FAAP100: variants seen among roughly 807,000 people sequenced by gnomAD.
The protein encoded by FAAP100 is Fanconi anemia core complex-associated protein 100.
In FAAP100, 46 loss-of-function variants were observed where a neutral mutation model predicts 65.8. That is an observed-to-expected ratio of 0.70 (90% confidence interval 0.55 to 0.89). The LOEUF is 0.89. Among genes scored for constraint, FAAP100 ranks in the 40% least tolerant of loss-of-function variants. The pLI, the probability that FAAP100 is intolerant of heterozygous loss-of-function variation, is 0.00. For missense variants in FAAP100, 1,165 were observed against 1,196.7 expected, an observed-to-expected ratio of 0.97 and a Z score of 0.39; for synonymous variants, 663 against 555.1, an observed-to-expected ratio of 1.19 and a Z score of -2.73.
At chr17:81,552,814 TGTC>T (rs1371293624), upstream of FAAP100, among the ~76,000 whole-genome samples, 2 of 152,012 alleles carry the variant, frequency 1.3e-5, no homozygotes, top group Admixed American at 6.5e-5. Flanking sequence ...CGCCGGCTCT[TGTC>T]GTCCTAGGGA....
chr17:81,547,915 A>G (rs765002532), intron 4 of FAAP100: 1 of 707,552 alleles, frequency 1.4e-6, no homozygotes, highest in South Asian at 1.5e-5. Flanking sequence ...CTCTTGGGCC[A>G]CAGGAGGAAA....
chr17:81,552,430 C>G (rs1303783304), upstream of FAAP100: 2 of 1,138,648 alleles, frequency 1.8e-6, no homozygotes, highest in Admixed American at 4.3e-5. Flanking sequence ...CGACCTCCGC[C>G]GTAAAGCGGT....
At position 81,540,591 on chromosome 17, in the gene FAAP100, C is replaced by T; in HGVS notation, c.*228G>A. 2 of 528,806 alleles carry T rather than the reference C, an allele frequency of 3.8e-6. No individual in the cohort carries two copies. The highest frequency in any genetic ancestry group is 3.7e-5 in the Admixed American group (1 of 26,832). The allele number at this position is 528,806 out of a possible 1,614,324, so 32.8% of individuals were successfully genotyped here. On this transcript the variant is annotated 3_prime_UTR_variant, in exon 9 of 9. Transcript: ENST00000327787. The stretch of plus-strand genomic sequence containing the variant: ...AGAGACACCAGCAGAGGACGCGAAG[C>T]TGGACCGGCCAGGTTCAGAGCCCGC...
At chr17:81,542,349 A>G (rs969076129) in intron 7 of FAAP100, among the ~76,000 whole-genome samples, 21 of 151,764 alleles carry the variant, frequency 1.4e-4, no homozygotes, top group Non-Finnish European at 1.3e-4. Context: ...TCACCGCTGG[A>G]CTGCAGCCTG....
chr17:81,546,065 C>CACT (rs1390746428), intron 5 of FAAP100, among the ~76,000 whole-genome samples, 183 bp from the exon 6 acceptor site: 9 of 152,248 alleles, frequency 5.9e-5, no homozygotes, highest in Non-Finnish European at 1.2e-4. Flanking sequence ...GGAAGGAGGC[C>CACT]ACTGCTCAAC....
chr17:81,550,518 C>G lies in FAAP100; in HGVS notation c.976G>C (p.Ala326Pro). The G allele has an allele frequency of 4.3e-6, 7 of 1,612,864 alleles. No homozygotes were observed. Among genetic ancestry groups the G allele is most frequent in the Non-Finnish European group, 5.9e-6 (7 of 1,180,006 alleles). ...AGCTTCCCGGACTCATCCCAGCTGGCCTTGATGGCCAGCATCCGGCCGTGG... is the reference window on the plus strand; with the variant it reads ...AGCTTCCCGGACTCATCCCAGCTGGGCTTGATGGCCAGCATCCGGCCGTGG... ...GHHGRMLAIK[A>P]SWDESGKLVP... Residue 326 changes from alanine (A) to proline (P), a missense_variant, in exon 3 of 9, where the codon GCC (alanine) becomes CCC (proline). Coordinates refer to ENST00000327787, the MANE Select transcript of FAAP100 (RefSeq NM_025161.6).
chr17:81,549,477 G>A, intron 3 of FAAP100, 115 bp from the exon 4 acceptor site: 1 of 1,307,648 alleles, frequency 7.6e-7, no homozygotes, highest in Non-Finnish European at 1.0e-6. Context: ...CAAGGCCAGT[G>A]TCCAGTGAGG....
chr17:81,542,383 T>TCAAA (rs111896480), intron 7 of FAAP100, among the ~76,000 whole-genome samples: 1 of 151,390 alleles, frequency 6.6e-6, no homozygotes, highest in Non-Finnish European at 1.5e-5. Flanking sequence ...GAGCTCTATC[T>TCAAA]CAAACAAACA....
At position 81,543,974 on chromosome 17, in the gene FAAP100, C is replaced by G. The variant is rs765182869; in HGVS notation, c.2427+30G>C. On this transcript the variant is annotated intron_variant, in intron 7 of 8. Coordinates refer to ENST00000327787, the MANE Select transcript of FAAP100 (RefSeq NM_025161.6). ...GACCTTAGTGAGCGACCCACAGATCCTGGCCACCTTCCCCAGCGGGCCGAC... is the reference window on the plus strand; with the variant it reads ...GACCTTAGTGAGCGACCCACAGATCGTGGCCACCTTCCCCAGCGGGCCGAC... 15 of 1,586,144 alleles carry G rather than the reference C, an allele frequency of 9.5e-6. No homozygotes were observed. The Admixed American group carries it at 2.4e-4, about 25-fold the overall frequency.
intron 5 of FAAP100, 29 bp downstream of exon 5, chr17:81,546,880 G>C: frequency 7.3e-7 from 1 of 1,361,344 alleles, no homozygotes; most frequent in Admixed American, 3.3e-5. Flanking sequence ...AATCCCCAAG[G>C]CTGAGCAAAG....
Position 81,552,087 on chromosome 17 carries a change from G to C in FAAP100, c.166-35C>G, listed in dbSNP as rs772715691. On this transcript the variant is annotated intron_variant, in intron 1 of 8. Coordinates refer to ENST00000327787, the MANE Select transcript of FAAP100 (RefSeq NM_025161.6). ...GGGGCGCGGGTCAGGCCGACGCGAC[G>C]CGCGGGCCCGCGGTCTTCATTTTCA... 2.4e-5 allele frequency: 35 copies of C among 1,451,224 alleles called. 1 individual carries two copies. In the Admixed American group the frequency reaches 9.1e-4, roughly 38 times the overall value. The allele number at this position is 1,451,224 out of a possible 1,614,324, so 89.9% of individuals were successfully genotyped here.
chr17:81,543,279 A>C (rs1162464119), intron 7 of FAAP100, among the ~76,000 whole-genome samples: 1 of 152,200 alleles, frequency 6.6e-6, no homozygotes, highest in Admixed American at 6.5e-5. Flanking sequence ...CTGGGCATGC[A>C]CGTTGATAAC....
chr17:81,552,341 G>A lies in FAAP100; in HGVS notation c.-11C>T, dbSNP rs932498259. ...CGCGGCGCCGGCCATCGTGCGCGCG[G>A]GCCCGTCAGAGTGAGAAGCCCCGGC... On this transcript the variant is annotated 5_prime_UTR_variant, in exon 1 of 9. Coordinates refer to ENST00000327787, the MANE Select transcript of FAAP100 (RefSeq NM_025161.6). The A allele has an allele frequency of 8.1e-6, 11 of 1,366,010 alleles. No individual in the cohort carries two copies. Among genetic ancestry groups the A allele is most frequent in the African/African-American group, 6.1e-5 (4 of 65,052 alleles). 84.6% of individuals were successfully genotyped at this position (1,366,010 alleles called of 1,614,324 possible).
At chr17:81,544,697 A>G (rs1021044360) in intron 6 of FAAP100, among the ~76,000 whole-genome samples, 18 of 152,236 alleles carry the variant, frequency 1.2e-4, no homozygotes, top group South Asian at 2.1e-4. Context: ...CTGCACACAC[A>G]GCACAAGAGG....
chr17:81,544,172 G>C lies in FAAP100; in HGVS notation c.2311-52C>G, dbSNP rs372192197. 27 of 1,452,520 alleles carry C rather than the reference G, an allele frequency of 1.9e-5. No homozygotes were observed. In the Admixed American group the frequency reaches 4.1e-4, roughly 22 times the overall value. 90.0% of individuals were successfully genotyped at this position (1,452,520 alleles called of 1,614,324 possible). A position where few individuals can be genotyped will look rare whatever the true frequency, so the allele number is the denominator to read the frequency against. On this transcript the variant is annotated intron_variant, in intron 6 of 8. Coordinates refer to ENST00000327787, the MANE Select transcript of FAAP100 (RefSeq NM_025161.6). ...CTGCCTGTGGCACTCCCACCTGCCC[G>C]GGGGGCTCAGGCTACACAGGAGCCT... is the stretch of plus-strand genomic sequence containing the variant.
Position 81,545,740 on chromosome 17 carries a change from G to A in FAAP100, c.2310+6C>T. 1 of 1,609,492 alleles carries A rather than the reference G, an allele frequency of 6.2e-7. No individual in the cohort carries two copies. The highest frequency in any genetic ancestry group is 8.5e-7 in the Non-Finnish European group (1 of 1,178,208). On this transcript the variant is annotated splice_donor_region_variant and intron_variant, in intron 6 of 8. Coordinates refer to ENST00000327787, the MANE Select transcript of FAAP100 (RefSeq NM_025161.6). ...CCGTGGCTCGTTTCCCTGAACCCCTGCTTGCCTCTCGGACGATGAGGTGAA... is the reference window on the plus strand; with the variant it reads ...CCGTGGCTCGTTTCCCTGAACCCCTACTTGCCTCTCGGACGATGAGGTGAA...
chr17:81,544,034 C>T lies in FAAP100; in HGVS notation c.2397G>A (p.Arg799=), dbSNP rs2033209235. 1 of 1,612,514 alleles carries T rather than the reference C, an allele frequency of 6.2e-7. No individual in the cohort carries two copies. The highest frequency in any genetic ancestry group is 1.7e-5 in the Admixed American group (1 of 59,984). Reference sequence around the variant, plus strand: ...TGCGCCCGACAACGGCATGGTGCGCCCTGCAAATGTCGGCCAGAGAGGAGC... The same window carrying T: ...TGCGCCCGACAACGGCATGGTGCGCTCTGCAAATGTCGGCCAGAGAGGAGC... The part of the protein sequence containing the change: ...VESSSLADIC[R]AHHAVVGRMQ... The change falls in exon 7 of 9, where the codon AGG becomes AGA. Residue 799 remains arginine (R), a synonymous_variant. Coordinates refer to ENST00000327787, the MANE Select transcript of FAAP100 (RefSeq NM_025161.6).
chr17:81,551,275 G>A, intron 2 of FAAP100, 72 bp from the exon 3 acceptor site: 6 of 1,404,362 alleles, frequency 4.3e-6, no homozygotes, highest in Non-Finnish European at 5.7e-6. Context: ...CAATAACCTG[G>A]CATGGAGTAG....
chr17:81,540,615 G>C lies in FAAP100; in HGVS notation c.*204C>G, dbSNP rs577801043. Reference sequence around the variant, plus strand: ...GCTGGACCGGCCAGGTTCAGAGCCCGCCTCGGTTGCTCCCAATCAGAATCT... The same window carrying C: ...GCTGGACCGGCCAGGTTCAGAGCCCCCCTCGGTTGCTCCCAATCAGAATCT... On this transcript the variant is annotated 3_prime_UTR_variant, in exon 9 of 9. Transcript: ENST00000327787. 1.2e-3 allele frequency: 754 copies of C among 654,290 alleles called. No individual in the cohort carries two copies. The highest frequency in any genetic ancestry group is 1.5e-3 in the Non-Finnish European group (652 of 430,816). The allele number at this position is 654,290 out of a possible 1,614,324, so 40.5% of individuals were successfully genotyped here. A position where few individuals can be genotyped will look rare whatever the true frequency, so the allele number is the denominator to read the frequency against.
Sources: allele counts gnomAD v4.1 joint callset (sites outside exome capture counted in the v4.1 genomes callset), GRCh38; gene constraint gnomAD v4.1.1; transcripts MANE v1.5; gene names NCBI Gene and HGNC (gene_info 2026-07-23, HGNC 2026-07-21).